CDH18: variants seen among roughly 807,000 people sequenced by gnomAD.
CDH18 encodes the protein cadherin-18.
A neutral mutation model predicts 67.9 loss-of-function variants in CDH18; 31 were observed. That is an observed-to-expected ratio of 0.46 (90% CI 0.34 to 0.62). CDH18 has a LOEUF of 0.62. Among genes scored for constraint, CDH18 ranks in the 20% least tolerant of loss-of-function variants. CDH18 has a pLI of 0.01. For synonymous variants in CDH18, 362 were observed against 347.2 expected, an observed-to-expected ratio of 1.04 and a Z score of -0.48; for missense variants, 890 against 975.5, an observed-to-expected ratio of 0.91 and a Z score of 1.17.
At chr5:20,543,653 A>G (rs981314688) in intron 1 of CDH18, among the ~76,000 whole-genome samples, 15 of 152,152 alleles carry the variant, frequency 9.9e-5, no homozygotes, top group Admixed American at 8.5e-4. Flanking sequence ...TTCCTATTTC[A>G]TATGACTTTC....
chr5:20,526,190 C>G (rs1373973521), intron 1 of CDH18, among the ~76,000 whole-genome samples: 1 of 152,078 alleles, frequency 6.6e-6, no homozygotes, highest in African/African-American at 2.4e-5. Context: ...GGATCCAACC[C>G]TTTTCACCAG....
intron 2 of CDH18, among the ~76,000 whole-genome samples, chr5:19,997,947 G>T (rs1272806386): frequency 6.6e-6 from 1 of 152,148 alleles, no homozygotes; most frequent in Non-Finnish European, 1.5e-5. Context: ...GCATGACAGG[G>T]TGTTTAAAGA....
intron 6 of CDH18, among the ~76,000 whole-genome samples, chr5:19,603,058 T>G (rs1747415789): frequency 6.6e-6 from 1 of 152,144 alleles, no homozygotes; most frequent in Non-Finnish European, 1.5e-5. Flanking sequence ...AAGTGGGGTG[T>G]TACACCCATA....
At chr5:19,915,497 C>A (rs989447484) in intron 2 of CDH18, among the ~76,000 whole-genome samples, 1 of 152,066 alleles carries the variant, frequency 6.6e-6, no homozygotes, top group Non-Finnish European at 1.5e-5. Flanking sequence ...CATTTTCGAA[C>A]AGCCTACTGT....
At chr5:20,136,187 T>C (rs529523944) in intron 2 of CDH18, among the ~76,000 whole-genome samples, 1 of 152,276 alleles carries the variant, frequency 6.6e-6, no homozygotes, top group South Asian at 2.1e-4. Context: ...ATGTTGACAG[T>C]GGGGTATTGA....
chr5:20,560,518 C>T (rs1758150317), intron 1 of CDH18, among the ~76,000 whole-genome samples: 1 of 150,456 alleles, frequency 6.6e-6, no homozygotes. Context: ...CACACCCCTA[C>T]ATTCACAAAT....
At chr5:19,532,303 A>G (rs1013638603) in intron 9 of CDH18, among the ~76,000 whole-genome samples, 12 of 152,244 alleles carry the variant, frequency 7.9e-5, no homozygotes, top group Non-Finnish European at 1.8e-4. Context: ...TAAATTATTG[A>G]AAATATTCCG....
rs755552792 is a variant in CDH18 at position 19,741,328 on chromosome 5, TCTCACA to T, written c.523+5608_523+5613del. Among the ~76,000 whole-genome samples the T allele has an allele frequency of 3.3e-3, 128 of 38,256 alleles. No homozygotes were observed. In the East Asian group the frequency reaches 0.048, roughly 14 times the overall value. The allele number at this position is 38,256 out of a possible 152,430, so 25.1% of individuals were successfully genotyped here. ...ACATATATACATGTGTATATACATGTCTCACACACACACACACACACACACACACAC... is the reference window on the plus strand; with the variant it reads ...ACATATATACATGTGTATATACATGTCACACACACACACACACACACACAC... On this transcript the variant is annotated intron_variant, in intron 4 of 12. Coordinates refer to ENST00000382275, the MANE Select transcript of CDH18 (RefSeq NM_004934.5).
chr5:20,154,730 GCAAAACATCATACGCTTTTGCTAACAAA>G, intron 2 of CDH18, among the ~76,000 whole-genome samples: 2 of 152,198 alleles, frequency 1.3e-5, no homozygotes, highest in East Asian at 3.9e-4. Context: ...TTAAAATTCA[GCAAAACATCATACGCTTTTGCTAACAAA>G]CACTTCCCTT....
In CDH18 at chr5:19,953,853, G is replaced by A. The variant is rs571016499; in HGVS notation, c.-257+27207C>T. ...TTTAATTTTTTTCTGTGTGTTATCT[G>A]TATGGGGAGGGGAGTTAAATGGAAA... On this transcript the variant is annotated intron_variant, in intron 2 of 12. Transcript: ENST00000382275. Among the ~76,000 whole-genome samples, 14 of 152,024 alleles carry A rather than the reference G, an allele frequency of 9.2e-5. No individual in the cohort carries two copies. In the South Asian group the frequency reaches 2.9e-3, roughly 32 times the overall value.
rs1396833849 is a variant in CDH18, at chr5:19,549,734, A to C, written c.1254-5729T>G. Among the ~76,000 whole-genome samples, 4 of 147,506 alleles carry C rather than the reference A, an allele frequency of 2.7e-5. No homozygotes were observed. In the South Asian group the frequency reaches 8.5e-4, roughly 31 times the overall value. On this transcript the variant is annotated intron_variant, in intron 8 of 12. Transcript: ENST00000382275. ...GAAAGGAAGAAAGGAAGGAAGAAAG[A>C]GAAAGAGAGAAAAGAAAAAGAAAGA...
intron 2 of CDH18, among the ~76,000 whole-genome samples, chr5:20,062,111 G>T (rs1742540624): frequency 6.7e-6 from 1 of 148,432 alleles, no homozygotes; most frequent in Non-Finnish European, 1.5e-5. Flanking sequence ...CATACAACTT[G>T]AGAAAAGTAA....
chr5:19,746,295 A>G (rs1200412633), intron 4 of CDH18, among the ~76,000 whole-genome samples: 1 of 152,288 alleles, frequency 6.6e-6, no homozygotes, highest in African/African-American at 2.4e-5. Flanking sequence ...ATTCAGCTAA[A>G]CCTGGAAAAA....
intron 1 of CDH18, among the ~76,000 whole-genome samples, chr5:20,463,724 A>C (rs982083515): frequency 8.5e-5 from 13 of 152,172 alleles, no homozygotes; most frequent in Admixed American, 2.6e-4. Flanking sequence ...CCAAACCGTT[A>C]ATACGGGATT....
chr5:20,440,582 T>C (rs1226531559), intron 1 of CDH18, among the ~76,000 whole-genome samples: 1 of 152,000 alleles, frequency 6.6e-6, no homozygotes, highest in Non-Finnish European at 1.5e-5. Context: ...GCAGAACTAA[T>C]GTAAGAATTT....
At chr5:19,564,344 A>G (rs1017566361) in intron 8 of CDH18, among the ~76,000 whole-genome samples, 2 of 152,166 alleles carry the variant, frequency 1.3e-5, no homozygotes, top group Non-Finnish European at 2.9e-5. Context: ...AGTAGAAGTG[A>G]GGAAGGAGTA....
At chr5:19,517,422 G>T (rs895350115) in intron 10 of CDH18, among the ~76,000 whole-genome samples, 1 of 151,886 alleles carries the variant, frequency 6.6e-6, no homozygotes, top group African/African-American at 2.4e-5. Flanking sequence ...CTTTTTCAAA[G>T]AGCATCTTTT....
At chr5:19,817,899 T>TAG (rs1318281137) in intron 3 of CDH18, among the ~76,000 whole-genome samples, 1 of 152,174 alleles carries the variant, frequency 6.6e-6, no homozygotes, top group Non-Finnish European at 1.5e-5. Flanking sequence ...AAATTAGCCA[T>TAG]AGATAATACA....
intron 1 of CDH18, among the ~76,000 whole-genome samples, chr5:20,393,912 A>G (rs1261723687): frequency 6.6e-6 from 1 of 152,082 alleles, no homozygotes; most frequent in Non-Finnish European, 1.5e-5. Context: ...TAGATGACAC[A>G]AACAAATGAA....
Sources: gnomAD v4.1 joint callset for allele counts (sites outside exome capture counted in the v4.1 genomes callset) on GRCh38, gnomAD v4.1.1 for gene constraint, MANE v1.5 for transcripts, NCBI Gene and HGNC (gene_info 2026-07-23, HGNC 2026-07-21) for gene names.